The following SPTB variants were observed in gnomAD, a reference collection of about 807,000 sequenced individuals.
SPTB encodes the protein spectrin beta chain, erythrocytic.
A neutral mutation model predicts 256.2 loss-of-function variants in SPTB; 45 were observed. The ratio of observed to expected loss-of-function variants is 0.18; its 90% CI spans 0.14 to 0.23. The LOEUF (loss-of-function observed/expected upper bound fraction) is 0.23. Among genes scored for constraint, SPTB ranks in the 10% least tolerant of loss-of-function variants. The pLI, the probability that SPTB is intolerant of heterozygous loss-of-function variation, is 1.00. For synonymous variants in SPTB, 1,231 were observed against 1,243.1 expected (o/e 0.99, Z 0.21); for missense variants, 2,715 against 3,040.4 (o/e 0.89, Z 2.52).
Position 64,779,378 on chromosome 14 carries a change from GCCC to G in SPTB, c.4474-135_4474-133del, listed in dbSNP as rs2082423246. The G allele has an allele frequency of 2.5e-6, 2 of 797,178 alleles. No homozygotes were observed. The highest frequency in any genetic ancestry group is 5.4e-5 in the East Asian group (2 of 37,310). 49.4% of individuals were successfully genotyped at this position (797,178 alleles called of 1,614,324 possible). On this transcript the variant is annotated intron_variant, in intron 21 of 35. Transcript: ENST00000644917. The surrounding 1 kb of genome is among the most constrained non-coding windows in gnomAD (Gnocchi z 4.2). ...CCTCCCAACACCCCATCAGGGTTTT[GCCC>G]CCATTTTATAGGTTAGAATATTTGG...
intron 32 of SPTB, 111 bp downstream of exon 32, chr14:64,766,615 G>A (rs2082186695): frequency 6.2e-7 from 1 of 1,609,052 alleles, no homozygotes; most frequent in Non-Finnish European, 8.5e-7. Flanking sequence ...AGGATGGAGG[G>A]CGGGGCTGCG....
At chr14:64,787,209 G>A (rs1472217759) in intron 15 of SPTB, 49 bp from the exon 16 acceptor site, 7 of 1,597,418 alleles carry the variant, frequency 4.4e-6, no homozygotes, top group Non-Finnish European at 5.9e-6. Flanking sequence ...TTCTCCCTTA[G>A]CTCTTCTTCC....
In SPTB at chr14:64,775,374, C is replaced by A; in HGVS notation, c.4593G>T (p.Thr1531=). The part of the protein sequence containing the change: ...QTLQNEILGH[T]PRVEDVLQRG... ...TCTGCAGCACATCCTCAACCCGCGG[C>A]GTATGGCCCAGAATCTCATTCTGCA... The change falls in exon 23 of 36, where the codon ACG becomes ACT. Residue 1531 remains threonine (T), a synonymous_variant. Coordinates refer to ENST00000644917, the MANE Select transcript of SPTB (RefSeq NM_001355436.2). The surrounding 1 kb of genome is among the most constrained non-coding windows in gnomAD (Gnocchi z 5.0). 1 of 1,612,902 alleles carries A rather than the reference C, an allele frequency of 6.2e-7. No homozygotes were observed. Among genetic ancestry groups the A allele is most frequent in the South Asian group, 1.1e-5 (1 of 91,030 alleles).
In SPTB at chr14:64,804,948, T is replaced by C. The variant is rs1291662975; in HGVS notation, c.291A>G (p.Gly97=). ...MLIKLLEVLS[G]EMLPKPTKGK... is the part of the protein sequence containing the mutation. The stretch of plus-strand genomic sequence containing the variant: ...ACAGAAGGGACTTTACCAGCATCTC[T>C]CCAGAGAGCACCTCCAGCAGCTTGA... Residue 97 remains glycine (G), a synonymous_variant, in exon 3 of 36, where the codon GGA becomes GGG. Coordinates refer to ENST00000644917, the MANE Select transcript of SPTB (RefSeq NM_001355436.2). 8 of 1,614,112 alleles carry C rather than the reference T, an allele frequency of 5.0e-6. No individual in the cohort carries two copies. In the South Asian group the frequency reaches 6.6e-5, roughly 13 times the overall value.
chr14:64,786,102 C>G lies in SPTB; in HGVS notation c.3562-151G>C. On this transcript the variant is annotated intron_variant, in intron 16 of 35. Coordinates refer to ENST00000644917, the MANE Select transcript of SPTB (RefSeq NM_001355436.2). The surrounding 1 kb of genome is among the most constrained non-coding windows in gnomAD (Gnocchi z 5.6). ...CAGGGAGGAGGCACTACTCCCCAGG[C>G]CTTGCCCCCACCCCTACCCCAGGGG... The G allele has an allele frequency of 6.9e-6, 6 of 866,372 alleles. No homozygotes were observed. The allele number at this position is 866,372 out of a possible 1,614,324, so 53.7% of individuals were successfully genotyped here. A position where few individuals can be genotyped will look rare whatever the true frequency, so the allele number is the denominator to read the frequency against.
chr14:64,769,786 G>A, intron 27 of SPTB, 58 bp from the exon 28 acceptor site: 1 of 1,611,974 alleles, frequency 6.2e-7, no homozygotes, highest in Non-Finnish European at 8.5e-7. Flanking sequence ...GCCTGCCTCT[G>A]TGTCCCAACC....
Position 64,785,480 on chromosome 14 carries a change from A to T in SPTB, c.3855+57T>A. On this transcript the variant is annotated intron_variant, in intron 18 of 35. Transcript: ENST00000644917. The surrounding 1 kb of genome is among the most constrained non-coding windows in gnomAD (Gnocchi z 4.4). ...CCTGTGGACTTCCTGCCTTGAGGGA[A>T]CTCTGCTTCTAGAAAGGAATCTCCA... The T allele has an allele frequency of 2.0e-6, 3 of 1,489,198 alleles. No homozygotes were observed. The highest frequency in any genetic ancestry group is 2.8e-6 in the Non-Finnish European group (3 of 1,084,570). The allele number at this position is 1,489,198 out of a possible 1,614,324, so 92.2% of individuals were successfully genotyped here.
At chr14:64,820,501 G>T (rs532928082) in intron 2 of SPTB, among the ~76,000 whole-genome samples, 202 of 152,356 alleles carry the variant, frequency 1.3e-3, no homozygotes, top group Non-Finnish European at 2.3e-3. Flanking sequence ...ATATTTACTT[G>T]TTGGCCAGAT....
intron 33 of SPTB, 69 bp downstream of exon 33, chr14:64,753,468 C>G (rs1037844513): frequency 1.2e-6 from 2 of 1,608,526 alleles, no homozygotes; most frequent in Non-Finnish European, 1.7e-6. Context: ...GTCACCAAGG[C>G]TCTGCTAGCA....
rs570709723 is a variant in SPTB, at chr14:64,794,599, C to G, written c.1663G>C (p.Glu555Gln). ...ACCTCCAACAAGTGCTTCCCAAACT[C>G]GGCAGACAAGAGGTGAGCCTGGCAA... ...DEIKAHLLSA[E>Q]FGKHLLEVED... The change falls in exon 13 of 36, where the codon GAG (glutamate) becomes CAG (glutamine). Residue 555 changes from glutamate to glutamine, a missense_variant. Physicochemically the swap from Glu to Gln is conservative, Grantham distance 29. This residue lies in a region of SPTB where 2,239 missense variants were observed against 2,384.4 expected (regional missense o/e 0.94). Transcript: ENST00000644917. 6.2e-7 allele frequency: 1 copy of G among 1,613,974 alleles called. No homozygotes were observed. Among genetic ancestry groups the G allele is most frequent in the Admixed American group, 1.7e-5 (1 of 60,006 alleles).
rs774463924 is a variant in SPTB at position 64,749,954 on chromosome 14, A to G, written c.6776+27T>C. 6.2e-7 allele frequency: 1 copy of G among 1,614,124 alleles called. No individual in the cohort carries two copies. Among genetic ancestry groups the G allele is most frequent in the African/African-American group, 1.3e-5 (1 of 75,040 alleles). On this transcript the variant is annotated intron_variant, in intron 34 of 35. Coordinates refer to ENST00000644917, the MANE Select transcript of SPTB (RefSeq NM_001355436.2). The surrounding 1 kb of genome is among the most constrained non-coding windows in gnomAD (Gnocchi z 4.7). Reference sequence around the variant, plus strand: ...AATGCCAAATCAAGCCATCAACCCGAGCTTTCAAAGGCCAGGAAGGCCTCA... The same window carrying G: ...AATGCCAAATCAAGCCATCAACCCGGGCTTTCAAAGGCCAGGAAGGCCTCA...
chr14:64,789,287 G>A (rs1189152816), intron 15 of SPTB, among the ~76,000 whole-genome samples: 2 of 152,180 alleles, frequency 1.3e-5, no homozygotes, highest in Admixed American at 6.5e-5. Flanking sequence ...GGGAGGCTGA[G>A]GCTGCAGTGA....
At chr14:64,776,329 C>A (rs887516200) in intron 22 of SPTB, among the ~76,000 whole-genome samples, 2 of 152,196 alleles carry the variant, frequency 1.3e-5, no homozygotes, top group African/African-American at 4.8e-5. Flanking sequence ...ATGCTCAGAA[C>A]CTCAATTTTT....
chr14:64,767,457 C>T lies in SPTB; in HGVS notation c.6220-105G>A. ...CCCTGCACCCCCACATGCCCTGACA[C>T]TTGTTCCTTCTAGAGTCAGCCCCTT... is the stretch of plus-strand genomic sequence containing the variant. On this transcript the variant is annotated intron_variant, in intron 30 of 35. Transcript: ENST00000644917. 3 of 1,503,030 alleles carry T rather than the reference C, an allele frequency of 2.0e-6. No homozygotes were observed. The Admixed American group carries it at 5.0e-5, about 25-fold the overall frequency. The allele number at this position is 1,503,030 out of a possible 1,614,324, so 93.1% of individuals were successfully genotyped here.
At position 64,826,842 on chromosome 14, in the gene SPTB, AC is replaced by A. The variant is rs1406948108; in HGVS notation, c.-51-3698del. On this transcript the variant is annotated intron_variant, in intron 1 of 35. Transcript: ENST00000644917. The surrounding 1 kb of genome is among the most constrained non-coding windows in gnomAD (Gnocchi z 4.4). Reference sequence around the variant, plus strand: ...CCTTACCTGCCTTCTGCCACCACCGACCCCAGGCTATATTTTGAGTAGGATG... The same window carrying A: ...CCTTACCTGCCTTCTGCCACCACCGACCCAGGCTATATTTTGAGTAGGATG... Among the ~76,000 whole-genome samples, 1 of 151,894 alleles carries A rather than the reference AC, an allele frequency of 6.6e-6. No individual in the cohort carries two copies. The highest frequency in any genetic ancestry group is 1.5e-5 in the Non-Finnish European group (1 of 67,978).
Position 64,793,239 on chromosome 14 carries a change from T to A in SPTB, c.2424A>T (p.Gly808=). 1.9e-6 allele frequency: 3 copies of A among 1,609,332 alleles called. No individual in the cohort carries two copies. The highest frequency in any genetic ancestry group is 2.5e-6 in the Non-Finnish European group (3 of 1,180,032). The change falls in exon 14 of 36, where the codon GGA becomes GGT. Residue 808 remains glycine, a synonymous_variant. Coordinates refer to ENST00000644917, the MANE Select transcript of SPTB (RefSeq NM_001355436.2). This position sits in a 1 kb window ranked among gnomAD's most constrained non-coding sequence, Gnocchi z 7.0. ...GGGAATCCCGAAACTCTTCGGGGAA[T>A]CCCTGGGCCTGCTGCTCCAGGTGCT... is the stretch of plus-strand genomic sequence containing the variant. The part of the protein sequence containing the change: ...VMEHLEQQAQ[G]FPEEFRDSPD...
chr14:64,871,806 C>T (rs1293462893), intron 1 of SPTB, among the ~76,000 whole-genome samples: 1 of 152,116 alleles, frequency 6.6e-6, no homozygotes, highest in Non-Finnish European at 1.5e-5. Context: ...ATGTTTTAAC[C>T]ACGTACATGA....
intron 3 of SPTB, among the ~76,000 whole-genome samples, chr14:64,804,139 A>C (rs10137840): frequency 0.12 from 18,445 of 152,164 alleles, 2,076 homozygotes; most frequent in African/African-American, 0.3. Context: ...AGCCAGTGTT[A>C]AGAGTAATTT....
rs575499295 is a variant in SPTB, at chr14:64,832,993, A to G, written c.-51-9848T>C. 1.4e-4 allele frequency among the ~76,000 whole-genome samples: 21 copies of G among 152,304 alleles called. 1 individual carries two copies. In the South Asian group the frequency reaches 4.3e-3, roughly 32 times the overall value. ...TTACGTACTTTAACAGCTCTTCTCT[A>G]TCTCAGAAGGAAGTTTAAAACCCAT... On this transcript the variant is annotated intron_variant, in intron 1 of 35. Coordinates refer to ENST00000644917, the MANE Select transcript of SPTB (RefSeq NM_001355436.2).
Sources: allele counts gnomAD v4.1 joint callset (sites outside exome capture counted in the v4.1 genomes callset), GRCh38; gene constraint gnomAD v4.1.1; regional missense constraint gnomAD v4.1.1; non-coding constraint Gnocchi (gnomAD v3.1); transcripts MANE v1.5; gene names NCBI Gene and HGNC (gene_info 2026-07-23, HGNC 2026-07-21).